CSMD3: variants seen among roughly 807,000 people sequenced by gnomAD.
CSMD3 encodes CUB and sushi domain-containing protein 3.
Under a neutral mutation model 435.2 loss-of-function variants are expected in CSMD3, and 177 were observed. The observed-to-expected ratio is 0.41, with a 90% CI of 0.36 to 0.46. The LOEUF (loss-of-function observed/expected upper bound fraction) is 0.46, where lower values mean the gene tolerates loss of function less well. Ranked by LOEUF, CSMD3 falls within the 20% of genes least tolerant of loss-of-function variation. The pLI, the probability that CSMD3 is intolerant of heterozygous loss-of-function variation, is 0.34. For synonymous variants in CSMD3, 1,656 were observed against 1,520.5 expected (o/e 1.09, Z -2.07); for missense variants, 4,265 against 4,504.6 (o/e 0.95, Z 1.52).
At chr8:112,375,909 C>G (rs1290304358) in intron 38 of CSMD3, among the ~76,000 whole-genome samples, 2 of 152,032 alleles carry the variant, frequency 1.3e-5, no homozygotes, top group East Asian at 1.9e-4. Flanking sequence ...ATATAAGCAG[C>G]CTTAGTTACT....
At chr8:112,761,620 C>CA (rs1256698702) in intron 13 of CSMD3, among the ~76,000 whole-genome samples, 1 of 151,962 alleles carries the variant, frequency 6.6e-6, no homozygotes, top group Admixed American at 6.6e-5. Flanking sequence ...ACCATATTTA[C>CA]AAAAAGTTTT....
At chr8:112,469,419 C>G (rs1818301822) in intron 32 of CSMD3, among the ~76,000 whole-genome samples, 1 of 152,070 alleles carries the variant, frequency 6.6e-6, no homozygotes, top group Admixed American at 6.6e-5. Context: ...AGCCTTAACC[C>G]CTATGTAAAA....
chr8:113,245,497 A>ATT (rs1461779066), intron 3 of CSMD3, among the ~76,000 whole-genome samples: 1 of 151,942 alleles, frequency 6.6e-6, no homozygotes, highest in Non-Finnish European at 1.5e-5. Flanking sequence ...ATACCAATTT[A>ATT]TTTTCAGTAA....
At chr8:113,043,203 A>T (rs2087696884) in intron 5 of CSMD3, among the ~76,000 whole-genome samples, 1 of 152,184 alleles carries the variant, frequency 6.6e-6, no homozygotes, top group Non-Finnish European at 1.5e-5. Context: ...GGTCTGCAAG[A>T]TCTAACTTAT....
At chr8:112,456,566 T>A (rs1360987114) in intron 32 of CSMD3, among the ~76,000 whole-genome samples, 1 of 152,146 alleles carries the variant, frequency 6.6e-6, no homozygotes, top group Non-Finnish European at 1.5e-5. Context: ...TTCTAAAATG[T>A]CATATTTCTT....
intron 5 of CSMD3, among the ~76,000 whole-genome samples, chr8:113,044,005 C>G (rs760797065): frequency 6.6e-6 from 1 of 151,966 alleles, no homozygotes; most frequent in African/African-American, 2.4e-5. Context: ...TCACTCAGCC[C>G]TACCTTAAAT....
At chr8:112,424,007 C>A (rs528026534) in intron 32 of CSMD3, among the ~76,000 whole-genome samples, 1 of 152,036 alleles carries the variant, frequency 6.6e-6, no homozygotes, top group African/African-American at 2.4e-5. Flanking sequence ...TACTTATACA[C>A]GCAAATTTTA....
chr8:113,356,037 A>T (rs1226617384), intron 1 of CSMD3, among the ~76,000 whole-genome samples: 1 of 151,470 alleles, frequency 6.6e-6, no homozygotes, highest in African/African-American at 2.4e-5. Flanking sequence ...CTTAAATAAC[A>T]TTATCTAATA....
At chr8:112,605,691 C>T (rs903838254) in intron 22 of CSMD3, among the ~76,000 whole-genome samples, 2 of 152,056 alleles carry the variant, frequency 1.3e-5, no homozygotes, top group East Asian at 1.9e-4. Context: ...GTACTATGCT[C>T]GTTACCTGGA....
At chr8:112,906,450 GCAAGCAAC>G (rs1157154509) in intron 10 of CSMD3, among the ~76,000 whole-genome samples, 5 of 150,970 alleles carry the variant, frequency 3.3e-5, no homozygotes, top group Admixed American at 6.6e-5. Context: ...AAAAAAGCAA[GCAAGCAAC>G]CAACCAACCA....
intron 4 of CSMD3, among the ~76,000 whole-genome samples, chr8:113,144,304 C>T (rs954868312): frequency 6.6e-6 from 1 of 151,144 alleles, no homozygotes; most frequent in East Asian, 2.0e-4. Flanking sequence ...TAGAGCTTGC[C>T]CTTTCAATTT....
At chr8:113,146,045 CAGTT>C (rs754790271) in intron 4 of CSMD3, among the ~76,000 whole-genome samples, 137 of 151,482 alleles carry the variant, frequency 9.0e-4, no homozygotes, top group Non-Finnish European at 1.5e-3. Flanking sequence ...TTTTATTTCT[CAGTT>C]AAAGAACCTG....
intron 12 of CSMD3, among the ~76,000 whole-genome samples, chr8:112,814,650 G>A (rs1328433198): frequency 6.6e-6 from 1 of 152,112 alleles, no homozygotes; most frequent in Non-Finnish European, 1.5e-5. Flanking sequence ...CAGCATGGTG[G>A]TGTGTGCTTG....
intron 54 of CSMD3, among the ~76,000 whole-genome samples, chr8:112,295,246 T>C (rs1244121266): frequency 6.6e-6 from 1 of 152,132 alleles, no homozygotes; most frequent in East Asian, 1.9e-4. Flanking sequence ...CCACACACTC[T>C]CTATATAAGG....
At chr8:112,695,715 T>C (rs1563863233) in intron 13 of CSMD3, among the ~76,000 whole-genome samples, 1 of 152,140 alleles carries the variant, frequency 6.6e-6, no homozygotes, top group Non-Finnish European at 1.5e-5. Flanking sequence ...CAACATAGTG[T>C]TGGAAGTTCT....
intron 35 of CSMD3, among the ~76,000 whole-genome samples, chr8:112,405,938 CAG>C (rs1330297401): frequency 6.6e-6 from 1 of 152,034 alleles, no homozygotes; most frequent in Non-Finnish European, 1.5e-5. Flanking sequence ...GACAAAAACA[CAG>C]AGTGTATAAG....
chr8:112,542,548 C>T (rs555859201), intron 27 of CSMD3, among the ~76,000 whole-genome samples: 50 of 151,692 alleles, frequency 3.3e-4, no homozygotes, highest in South Asian at 8.3e-4. Flanking sequence ...ACTCAGAAAA[C>T]AATCTAATTT....
chr8:113,083,581 CTGGTATAAAAGA>C (rs1011649518), intron 5 of CSMD3, among the ~76,000 whole-genome samples: 1 of 151,822 alleles, frequency 6.6e-6, no homozygotes, highest in African/African-American at 2.4e-5. Flanking sequence ...ATACAACTCA[CTGGTATAAAAGA>C]TATACAAATG....
intron 13 of CSMD3, among the ~76,000 whole-genome samples, chr8:112,720,027 C>T (rs369567952): frequency 6.6e-6 from 1 of 152,120 alleles, no homozygotes; most frequent in Non-Finnish European, 1.5e-5. Flanking sequence ...TGAAGACAAG[C>T]GTGGTCATCG....
Sources: allele counts gnomAD v4.1 joint callset (sites outside exome capture counted in the v4.1 genomes callset), GRCh38; gene constraint gnomAD v4.1.1; transcripts MANE v1.5; gene names NCBI Gene and HGNC (gene_info 2026-07-23, HGNC 2026-07-21).